ZNF398: variants seen among roughly 807,000 people sequenced by gnomAD.
ZNF398 encodes the protein zinc finger protein 398, also known as zinc finger DNA binding protein ZER6.
In ZNF398, 18 loss-of-function variants were observed where a neutral mutation model predicts 41.9. The ratio of observed to expected loss-of-function variants is 0.43; its 90% CI spans 0.30 to 0.64. The LOEUF (loss-of-function observed/expected upper bound fraction) is 0.64. Among genes scored for constraint, ZNF398 ranks in the 30% least tolerant of loss-of-function variants. ZNF398 has a pLI of 0.14. For missense variants in ZNF398, 669 were observed against 822.8 expected (o/e 0.81, Z 2.29); for synonymous variants, 260 against 308.8 (o/e 0.84, Z 1.66).
intron 2 of ZNF398, among the ~76,000 whole-genome samples, chr7:149,158,881 AAGGT>A: frequency 6.6e-6 from 1 of 152,092 alleles, no homozygotes; most frequent in Non-Finnish European, 1.5e-5. Context: ...AATAATAGTA[AAGGT>A]AAGTTAAAAT....
upstream of ZNF398, among the ~76,000 whole-genome samples, chr7:149,145,942 C>CTTTTTTTTT (rs34950278): frequency 5.8e-5 from 6 of 103,094 alleles, no homozygotes; most frequent in Non-Finnish European, 1.1e-4. Context: ...CTCGCAGGTC[C>CTTTTTTTTT]TTTTTTTTTT....
intron 1 of ZNF398, among the ~76,000 whole-genome samples, chr7:149,127,555 A>AAAT (rs1554458901): frequency 1.4e-5 from 2 of 147,612 alleles, no homozygotes; most frequent in African/African-American, 5.0e-5. Context: ...ATACAAAAAA[A>AAAT]AAAAAAAAAA....
At chr7:149,143,702 C>T (rs10952800), upstream of ZNF398, among the ~76,000 whole-genome samples, 80,953 of 151,632 alleles carry the variant, frequency 0.53, 25,028 homozygotes, top group East Asian at 0.9. Context: ...ATCCCAGCTA[C>T]TTGGGAGGCT....
chr7:149,165,112 A>G (rs1795200762), intron 2 of ZNF398, among the ~76,000 whole-genome samples: 1 of 151,862 alleles, frequency 6.6e-6, no homozygotes, highest in African/African-American at 2.4e-5. Context: ...AAAAGAAAAG[A>G]AAGAAAGAAA....
In ZNF398 at chr7:149,175,678, TTTTG is replaced by T. The variant is rs563324494; in HGVS notation, c.662-774_662-771del. 2.0e-3 allele frequency among the ~76,000 whole-genome samples: 304 copies of T among 152,208 alleles called. 2 individuals carry two copies. Among genetic ancestry groups the T allele is most frequent in the African/African-American group, 6.7e-3 (278 of 41,538 alleles). ...TTGTAATTCTGGAAGTTGATTTGTT[TTTTG>T]TTTGTTTGTTTGTTTTGAAATGGAG... is the stretch of plus-strand genomic sequence containing the variant. On this transcript the variant is annotated intron_variant, in intron 4 of 5. Transcript: ENST00000475153.
rs1378157829 is a variant in ZNF398, at chr7:149,182,225, G to A, written c.*2424G>A. On this transcript the variant is annotated 3_prime_UTR_variant, in exon 6 of 6. Coordinates refer to ENST00000475153, the MANE Select transcript of ZNF398 (RefSeq NM_170686.3). ...CAAAAAGTGAACACAATTCAAATAC[G>A]AATGAAGGAAGAGCCCTCAGATGGA... 2.0e-5 allele frequency: 3 copies of A among 152,164 alleles called. No homozygotes were observed. The highest frequency in any genetic ancestry group is 7.2e-5 in the African/African-American group (3 of 41,430). The allele number at this position is 152,164 out of a possible 1,614,324, so 9.4% of individuals were successfully genotyped here.
At chr7:149,129,786 T>G (rs1158367496) in intron 2 of ZNF398, among the ~76,000 whole-genome samples, 1 of 152,178 alleles carries the variant, frequency 6.6e-6, no homozygotes, top group Non-Finnish European at 1.5e-5. Flanking sequence ...TTATTTTTTA[T>G]ACTTATTTGT....
At chr7:149,148,498 A>G in intron 1 of ZNF398, 2 of 985,528 alleles carry the variant, frequency 2.0e-6, no homozygotes, top group Non-Finnish European at 2.4e-6. Context: ...GGTCACCTCT[A>G]GGAGAGCAAT....
chr7:149,145,560 T>C (rs1826920179), upstream of ZNF398, among the ~76,000 whole-genome samples: 5 of 152,128 alleles, frequency 3.3e-5, no homozygotes, highest in Admixed American at 3.3e-4. Context: ...GCTTAAGATG[T>C]TTTTCAGACC....
chr7:149,166,117 A>C, intron 2 of ZNF398, 41 bp from the exon 3 acceptor site: 2 of 1,561,344 alleles, frequency 1.3e-6, no homozygotes, highest in Non-Finnish European at 1.7e-6. Context: ...GAATGACTGA[A>C]TTATAATGGA....
rs1387942484 is a variant in ZNF398, at chr7:149,179,345, C to T, written c.1473C>T (p.Asp491=). 3 of 1,613,380 alleles carry T rather than the reference C, an allele frequency of 1.9e-6. No homozygotes were observed. The highest frequency in any genetic ancestry group is 2.5e-6 in the Non-Finnish European group (3 of 1,180,034). ...RPFSCPQCGI[D]FNGHSALIRH... is the part of the protein sequence containing the mutation. ...TCTCCTGCCCTCAGTGTGGCATTGA[C>T]TTCAACGGCCACTCGGCCCTGATCC... Residue 491 remains aspartate (D), a synonymous_variant, in exon 6 of 6, where the codon GAC becomes GAT. Transcript: ENST00000475153. The surrounding 1 kb of genome is among the most constrained non-coding windows in gnomAD (Gnocchi z 6.1).
chr7:149,152,566 C>CT lies in ZNF398; in HGVS notation c.25-1364dup, dbSNP rs754663137. Among the ~76,000 whole-genome samples the CT allele has an allele frequency of 8.3e-3, 1,117 of 134,758 alleles. 8 individuals carry two copies. The highest frequency in any genetic ancestry group is 0.031 in the Admixed American group (419 of 13,380). 88.4% of individuals were successfully genotyped at this position (134,758 alleles called of 152,430 possible). A position where few individuals can be genotyped will look rare whatever the true frequency, so the allele number is the denominator to read the frequency against. ...GAGCCACCGCGCCTGGCCTAGATTT[C>CT]TTTTTTTTTTTTTTTCTGAGACGGA... is the stretch of plus-strand genomic sequence containing the variant. On this transcript the variant is annotated intron_variant, in intron 1 of 5. Coordinates refer to ENST00000475153, the MANE Select transcript of ZNF398 (RefSeq NM_170686.3).
In ZNF398 at chr7:149,153,970, T is replaced by A; in HGVS notation, c.50T>A (p.Leu17His). 6.2e-7 allele frequency: 1 copy of A among 1,613,346 alleles called. No individual in the cohort carries two copies. The highest frequency in any genetic ancestry group is 8.5e-7 in the Non-Finnish European group (1 of 1,179,640). ...ACATCTGAATGGGACTCCGAGTGCC[T>A]TACATCCCTGCAGCCCCTTCCTCTT... ...APTSEWDSEC[L>H]TSLQPLPLPT... Residue 17 changes from leucine (L) to histidine (H), a missense_variant, in exon 2 of 6, where the codon CTT becomes CAT. Physicochemically the swap from Leu to His is moderately conservative, Grantham distance 99 (BLOSUM62 -3). Transcript: ENST00000475153.
At chr7:149,136,848 G>A (rs535637494) in intron 2 of ZNF398, among the ~76,000 whole-genome samples, 11 of 150,260 alleles carry the variant, frequency 7.3e-5, no homozygotes, top group African/African-American at 1.2e-4. Context: ...GATTACAGGC[G>A]TGAGCCACCG....
chr7:149,129,117 TATATA>T (rs1227012608), intron 2 of ZNF398, among the ~76,000 whole-genome samples: 1 of 151,860 alleles, frequency 6.6e-6, no homozygotes, highest in Non-Finnish European at 1.5e-5. Context: ...TTCATATAAA[TATATA>T]ATATATACTG....
At chr7:149,131,636 A>C (rs1826597099) in intron 2 of ZNF398, among the ~76,000 whole-genome samples, 1 of 152,198 alleles carries the variant, frequency 6.6e-6, no homozygotes, top group African/African-American at 2.4e-5. Flanking sequence ...CAGTGAGCCA[A>C]GATCGGGCCA....
At chr7:149,126,836 C>G (rs1056908479) in intron 1 of ZNF398, among the ~76,000 whole-genome samples, 1 of 152,164 alleles carries the variant, frequency 6.6e-6, no homozygotes, top group Non-Finnish European at 1.5e-5. Context: ...GGGCATGTCC[C>G]GTCGGGGACG....
intron 2 of ZNF398, among the ~76,000 whole-genome samples, chr7:149,136,808 TC>T (rs542957804): frequency 7.4e-4 from 112 of 151,990 alleles, no homozygotes; most frequent in African/African-American, 2.4e-3. Context: ...GACCTCGTGA[TC>T]CACCTGCCTT....
chr7:149,176,638 C>A, intron 5 of ZNF398, 57 bp downstream of exon 5: 1 of 1,150,898 alleles, frequency 8.7e-7, no homozygotes, highest in South Asian at 1.5e-5. Flanking sequence ...CCAGGACTGA[C>A]TGAAGAAACA....
Sources: allele counts gnomAD v4.1 joint callset (sites outside exome capture counted in the v4.1 genomes callset), GRCh38; gene constraint gnomAD v4.1.1; non-coding constraint Gnocchi (gnomAD v3.1); transcripts MANE v1.5; gene names NCBI Gene and HGNC (gene_info 2026-07-23, HGNC 2026-07-21).